Variants in RBFOX1 observed in about 807,000 individuals in gnomAD.
The protein encoded by RBFOX1 is RNA binding fox-1 homolog 1, also known as RNA binding protein fox-1 homolog 1.
Under a neutral mutation model 57.7 loss-of-function variants are expected in RBFOX1, and 8 were observed. That is an observed-to-expected ratio of 0.14 (90% CI 0.08 to 0.25). RBFOX1 has a LOEUF of 0.25. Ranked by LOEUF, RBFOX1 falls within the 10% of genes least tolerant of loss-of-function variation. RBFOX1 has a pLI of 1.00. For missense variants in RBFOX1, 611 were observed against 548.5 expected (o/e 1.11, Z -1.14); for synonymous variants, 326 against 222.4 (o/e 1.47, Z -4.15).
intron 2 of RBFOX1, among the ~76,000 whole-genome samples, chr16:6,518,419 G>T (rs2096424539): frequency 6.6e-6 from 1 of 152,138 alleles, no homozygotes; most frequent in Admixed American, 6.5e-5. Flanking sequence ...GCACCAATCA[G>T]GGGCCAGGTG....
chr16:6,899,604 C>T (rs1037838252), intron 3 of RBFOX1, among the ~76,000 whole-genome samples: 5 of 152,172 alleles, frequency 3.3e-5, no homozygotes, highest in African/African-American at 7.2e-5. Flanking sequence ...CTCCAGAATG[C>T]TGTCAGCCTT....
In RBFOX1 at chr16:6,464,977, G is replaced by A. The variant is rs1567336728; in HGVS notation, c.-64+147920G>A. On this transcript the variant is annotated intron_variant, in intron 2 of 15. Transcript: ENST00000550418. ...GGGCAAATCACTTACTAGCTCAGGT[G>A]AGTCTGTATCTTCTTTTGTAACATG... Among the ~76,000 whole-genome samples the A allele has an allele frequency of 2.0e-5, 3 of 152,330 alleles. No homozygotes were observed. In the South Asian group the frequency reaches 6.2e-4, roughly 32 times the overall value.
At chr16:7,659,112 T>C (rs188015689) in intron 12 of RBFOX1, among the ~76,000 whole-genome samples, 94 of 152,316 alleles carry the variant, frequency 6.2e-4, no homozygotes, top group African/African-American at 1.9e-3. Flanking sequence ...GAGTAAGATT[T>C]TCTGCCCTTT....
rs8062475 is a variant in RBFOX1, at chr16:7,711,109, A to G, written c.*364A>G. On this transcript the variant is annotated 3_prime_UTR_variant, in exon 16 of 16. Transcript: ENST00000550418. ...TATTAAGCTACTGGGGTTATCAGCT[A>G]TTTGGGAAGAGTGTAAGTGACTACA... 0.98 allele frequency: 161,432 copies of G among 164,194 alleles called. 79,426 individuals carry two copies. The highest frequency in any genetic ancestry group is 1 in the Middle Eastern group (348 of 348). 10.2% of individuals were successfully genotyped at this position (164,194 alleles called of 1,614,324 possible).
chr16:6,480,011 C>T (rs998752468), intron 2 of RBFOX1, among the ~76,000 whole-genome samples: 1 of 148,450 alleles, frequency 6.7e-6, no homozygotes, highest in African/African-American at 2.5e-5. Flanking sequence ...GATCGTGCCA[C>T]TGCCCTCCAG....
chr16:7,000,592 C>CTTT (rs1568307066), intron 3 of RBFOX1, among the ~76,000 whole-genome samples: 14 of 84,042 alleles, frequency 1.7e-4, no homozygotes, highest in African/African-American at 5.0e-4. Flanking sequence ...CTTTCTTTTT[C>CTTT]TTTCTTTTTT....
chr16:6,616,600 T>C (rs974697925), intron 2 of RBFOX1, among the ~76,000 whole-genome samples: 1 of 152,170 alleles, frequency 6.6e-6, no homozygotes, highest in Non-Finnish European at 1.5e-5. Flanking sequence ...AGCATGAACC[T>C]GGAGGCGGAG....
At chr16:5,666,151 A>G (rs2049837075) in intron 3 of RBFOX1, among the ~76,000 whole-genome samples, 1 of 152,202 alleles carries the variant, frequency 6.6e-6, no homozygotes, top group South Asian at 2.1e-4. Flanking sequence ...TACAAGCCAC[A>G]TTTGGGCACA....
At chr16:6,125,241 A>G (rs1284214316) in intron 1 of RBFOX1, among the ~76,000 whole-genome samples, 1 of 152,148 alleles carries the variant, frequency 6.6e-6, no homozygotes, top group Admixed American at 6.5e-5. Flanking sequence ...AATTATTACA[A>G]TGTTTTTTTC....
intron 3 of RBFOX1, among the ~76,000 whole-genome samples, chr16:5,744,054 G>A (rs2052880457): frequency 6.6e-6 from 1 of 152,032 alleles, no homozygotes; most frequent in Non-Finnish European, 1.5e-5. Flanking sequence ...ATGTCACCAA[G>A]GTCTGGGCTG....
At chr16:7,233,706 A>G (rs573949129) in intron 4 of RBFOX1, among the ~76,000 whole-genome samples, 2 of 152,212 alleles carry the variant, frequency 1.3e-5, no homozygotes, top group Non-Finnish European at 2.9e-5. Flanking sequence ...TGAACTTCCA[A>G]CTCGTCTTTT....
intron 4 of RBFOX1, among the ~76,000 whole-genome samples, chr16:7,487,422 C>G (rs1241587085): frequency 4.6e-5 from 7 of 152,186 alleles, no homozygotes; most frequent in Non-Finnish European, 8.8e-5. Context: ...ACTCCCCATG[C>G]AGTTGAGAAA....
At chr16:6,475,595 C>A (rs140655453) in intron 2 of RBFOX1, among the ~76,000 whole-genome samples, 4 of 152,178 alleles carry the variant, frequency 2.6e-5, no homozygotes, top group African/African-American at 7.2e-5. Flanking sequence ...CACTATAAAT[C>A]GTATGTTCTC....
intron 4 of RBFOX1, among the ~76,000 whole-genome samples, chr16:7,501,559 T>C (rs1460648194): frequency 1.3e-5 from 2 of 152,230 alleles, no homozygotes; most frequent in South Asian, 4.1e-4. Context: ...CAGCTCTATA[T>C]TTTATAGGTC....
chr16:5,511,823 G>A lies in RBFOX1; in HGVS notation c.258+44569G>A, dbSNP rs185272345. On this transcript the variant is annotated intron_variant, in intron 2 of 2. Coordinates refer to the RBFOX1 transcript ENST00000585867. Reference sequence around the variant, plus strand: ...TCCCCAAAGTTCTCAGAATTGCAGAGTAGGGGAGACCAGAAGGGTGACTGA... The same window carrying A: ...TCCCCAAAGTTCTCAGAATTGCAGAATAGGGGAGACCAGAAGGGTGACTGA... Among the ~76,000 whole-genome samples the A allele has an allele frequency of 4.6e-5, 7 of 152,324 alleles. No individual in the cohort carries two copies. In the East Asian group the frequency reaches 1.4e-3, roughly 29 times the overall value.
chr16:5,323,103 A>T (rs1370010080), intron 1 of RBFOX1, among the ~76,000 whole-genome samples: 3 of 152,174 alleles, frequency 2.0e-5, no homozygotes, highest in East Asian at 1.9e-4. Context: ...CATCTCCCTG[A>T]TAAGGATCAA....
At chr16:6,080,145 GGGAGAGGCAA>G (rs2152504799) in intron 1 of RBFOX1, among the ~76,000 whole-genome samples, 1 of 152,294 alleles carries the variant, frequency 6.6e-6, no homozygotes, top group South Asian at 2.1e-4. Context: ...GTACTTGATG[GGGAGAGGCAA>G]GGAGAGAGCG....
At chr16:7,405,396 G>A (rs1005234021) in intron 4 of RBFOX1, among the ~76,000 whole-genome samples, 1 of 152,148 alleles carries the variant, frequency 6.6e-6, no homozygotes, top group Non-Finnish European at 1.5e-5. Context: ...TTTTTTCCCT[G>A]TTCCACCAGG....
chr16:7,700,980 G>C (rs2080491788), intron 14 of RBFOX1, among the ~76,000 whole-genome samples: 1 of 151,886 alleles, frequency 6.6e-6, no homozygotes, highest in Admixed American at 6.6e-5. Context: ...TGTATGACAG[G>C]TATCCATGGG....
Sources: gnomAD v4.1 joint callset for allele counts (sites outside exome capture counted in the v4.1 genomes callset) on GRCh38, gnomAD v4.1.1 for gene constraint, MANE v1.5 for transcripts, NCBI Gene and HGNC (gene_info 2026-07-23, HGNC 2026-07-21) for gene names.